MGAT5: variants seen among roughly 807,000 people sequenced by gnomAD.
MGAT5 encodes the protein alpha-1,6-mannosylglycoprotein 6-beta-N-acetylglucosaminyltransferase, also known as alpha-1,6-mannosylglycoprotein 6-beta-N-acetylglucosaminyltransferase A.
Under a neutral mutation model 94.3 loss-of-function variants are expected in MGAT5, and 30 were observed. The observed-to-expected ratio is 0.32, with a 90% CI of 0.24 to 0.43. The LOEUF is 0.43. Among genes scored for constraint, MGAT5 ranks in the 20% least tolerant of loss-of-function variants. The pLI is 1.00. For synonymous variants in MGAT5, 310 were observed against 322.9 expected, an observed-to-expected ratio of 0.96 and a Z score of 0.43; for missense variants, 691 against 905.5, an observed-to-expected ratio of 0.76 and a Z score of 3.04.
chr2:134,193,675 T>TGTGTG (rs1679346459), intron 1 of MGAT5, among the ~76,000 whole-genome samples: 1 of 130,808 alleles, frequency 7.6e-6, no homozygotes, highest in Non-Finnish European at 1.6e-5. Context: ...CCCCAAATCT[T>TGTGTG]TGTGTGTGTG....
In MGAT5 at chr2:134,341,626, G is replaced by A; in HGVS notation, c.844G>A (p.Gly282Arg). ...CCTGGGACTCCTGACCAAGGAATCTGGATTTAAGATTGCAGAGACAGCTTT... is the reference window on the plus strand; with the variant it reads ...CCTGGGACTCCTGACCAAGGAATCTAGATTTAAGATTGCAGAGACAGCTTT... ...VHLGLLTKES[G>R]FKIAETAFSG... The change falls in exon 7 of 16, where the codon GGA becomes AGA. Residue 282 changes from glycine to arginine, a missense_variant. Coordinates refer to ENST00000281923, the MANE Select transcript of MGAT5 (RefSeq NM_002410.5). 1 of 1,613,448 alleles carries A rather than the reference G, an allele frequency of 6.2e-7. No homozygotes were observed. Among genetic ancestry groups the A allele is most frequent in the Non-Finnish European group, 8.5e-7 (1 of 1,179,676 alleles).
chr2:134,321,134 C>G (rs182067825), intron 4 of MGAT5, among the ~76,000 whole-genome samples: 25 of 152,268 alleles, frequency 1.6e-4, no homozygotes, highest in African/African-American at 6.0e-4. Context: ...ATTTCCTTCT[C>G]CAGAGGAGTA....
At position 134,449,248 on chromosome 2, in the gene MGAT5, T is replaced by TGGGAGGGAGGGGACCGC. The variant is rs1045520399; in HGVS notation, c.*411_*427dup. 3.8e-4 allele frequency: 12 copies of TGGGAGGGAGGGGACCGC among 31,380 alleles called. No homozygotes were observed. In the Admixed American group the frequency reaches 3.9e-3, roughly 10 times the overall value. The allele number at this position is 31,380 out of a possible 1,614,324, so 1.9% of individuals were successfully genotyped here. A position where few individuals can be genotyped will look rare whatever the true frequency, so the allele number is the denominator to read the frequency against. ...AAACCCATTAACTTATTTATTCGGG[T>TGGGAGGGAGGGGACCGC]GGGAGGGAGGGGACCGCGGGAGGGA... On this transcript the variant is annotated 3_prime_UTR_variant, in exon 16 of 16. Coordinates refer to ENST00000281923, the MANE Select transcript of MGAT5 (RefSeq NM_002410.5).
chr2:134,137,231 G>A (rs1474611067), intron 1 of MGAT5, among the ~76,000 whole-genome samples: 1 of 152,208 alleles, frequency 6.6e-6, no homozygotes, highest in African/African-American at 2.4e-5. Context: ...GCACATGGTT[G>A]CCAGGGGTGT....
At chr2:134,309,337 G>A (rs1284524027) in intron 2 of MGAT5, among the ~76,000 whole-genome samples, 1 of 152,146 alleles carries the variant, frequency 6.6e-6, no homozygotes, top group African/African-American at 2.4e-5. Flanking sequence ...TGTAAACCAA[G>A]GAGTAGAATT....
intron 5 of MGAT5, 69 bp downstream of exon 5, chr2:134,336,357 A>C: frequency 7.6e-7 from 1 of 1,313,246 alleles, no homozygotes; most frequent in Non-Finnish European, 1.1e-6. Flanking sequence ...TACATGTGGA[A>C]TCTTCTAGAA....
chr2:134,185,725 G>A (rs1348042910), intron 1 of MGAT5, among the ~76,000 whole-genome samples: 1 of 152,148 alleles, frequency 6.6e-6, no homozygotes, highest in African/African-American at 2.4e-5. Context: ...TCCCTAACCT[G>A]CTCAATTTTT....
chr2:134,146,725 C>T (rs17711700), intron 1 of MGAT5, among the ~76,000 whole-genome samples: 7 of 152,126 alleles, frequency 4.6e-5, no homozygotes, highest in Admixed American at 2.6e-4. Context: ...CTTCCTGGAT[C>T]GCTGGGTACC....
intron 1 of MGAT5, among the ~76,000 whole-genome samples, chr2:134,231,041 A>G (rs928533223): frequency 2.6e-5 from 4 of 152,192 alleles, no homozygotes; most frequent in East Asian, 1.9e-4. Flanking sequence ...TTATGATTCT[A>G]TTTATATCAA....
chr2:134,198,450 G>A (rs1471841853), intron 1 of MGAT5, among the ~76,000 whole-genome samples: 1 of 152,194 alleles, frequency 6.6e-6, no homozygotes, highest in African/African-American at 2.4e-5. Flanking sequence ...GTCTAGCTGG[G>A]TGTGTGAGGC....
At chr2:134,281,530 C>T (rs1348117750) in intron 2 of MGAT5, among the ~76,000 whole-genome samples, 1 of 152,160 alleles carries the variant, frequency 6.6e-6, no homozygotes, top group Non-Finnish European at 1.5e-5. Context: ...GACCTTTTGG[C>T]CTTAGAAATG....
intron 9 of MGAT5, among the ~76,000 whole-genome samples, chr2:134,350,520 C>T (rs188216811): frequency 1.5e-4 from 23 of 151,998 alleles, no homozygotes; most frequent in African/African-American, 4.8e-4. Context: ...TTTCATGAGC[C>T]GATATAGTAA....
intron 1 of MGAT5, among the ~76,000 whole-genome samples, chr2:134,203,672 T>C (rs972169626): frequency 2.6e-5 from 4 of 151,938 alleles, no homozygotes; most frequent in Non-Finnish European, 5.9e-5. Context: ...CAGAGCCACG[T>C]TGTGACTCTT....
At chr2:134,414,336 G>T (rs191169957) in intron 12 of MGAT5, among the ~76,000 whole-genome samples, 1 of 152,258 alleles carries the variant, frequency 6.6e-6, no homozygotes, top group Non-Finnish European at 1.5e-5. Context: ...TCAGTCTGCC[G>T]TGAACCTATT....
chr2:134,270,690 G>A (rs186332129), intron 2 of MGAT5, 140 bp downstream of exon 2: 2 of 821,536 alleles, frequency 2.4e-6, no homozygotes, highest in Admixed American at 3.5e-5. Flanking sequence ...GTAAAGATAA[G>A]TCTAAATTTA....
intron 8 of MGAT5, among the ~76,000 whole-genome samples, chr2:134,349,001 TAGGTCAACAAC>T (rs1679184765): frequency 1.3e-5 from 2 of 152,166 alleles, no homozygotes; most frequent in Admixed American, 1.3e-4. Context: ...CCATAGAGAA[TAGGTCAACAAC>T]AGGGTGTGGC....
intron 1 of MGAT5, among the ~76,000 whole-genome samples, chr2:134,246,776 G>C (rs1230293011): frequency 6.6e-6 from 1 of 151,292 alleles, no homozygotes; most frequent in East Asian, 2.0e-4. Flanking sequence ...TGGGGTGCTG[G>C]TTTGATTCTA....
intron 1 of MGAT5, among the ~76,000 whole-genome samples, chr2:134,175,609 G>A (rs1356241187): frequency 2.0e-5 from 3 of 152,272 alleles, no homozygotes; most frequent in East Asian, 1.9e-4. Flanking sequence ...CTCCTCTTCC[G>A]GCTAGTTCAG....
intron 1 of MGAT5, among the ~76,000 whole-genome samples, chr2:134,197,407 C>T (rs193127912): frequency 3.3e-5 from 5 of 152,198 alleles, no homozygotes; most frequent in East Asian, 3.9e-4. Context: ...TTCAAAAGGT[C>T]GGTTGAGACA....
Sources: gnomAD v4.1 joint callset for allele counts (sites outside exome capture counted in the v4.1 genomes callset) on GRCh38, gnomAD v4.1.1 for gene constraint, MANE v1.5 for transcripts, NCBI Gene and HGNC (gene_info 2026-07-23, HGNC 2026-07-21) for gene names.